The following HTR1E variants were observed in gnomAD, a reference collection of about 807,000 sequenced individuals.
The protein encoded by HTR1E is 5-HT-1E.
Under a neutral mutation model 3.4 loss-of-function variants are expected in HTR1E, and 3 were observed. That is an observed-to-expected ratio of 0.89 (90% CI 0.41 to 2.31). The LOEUF is 2.31. Ranked by LOEUF, HTR1E falls within the 30% of genes most tolerant of loss-of-function variation. HTR1E has a pLI of 0.05. For synonymous variants in HTR1E, 170 were observed against 182.8 expected (o/e 0.93, Z 0.56); for missense variants, 392 against 467.0 (o/e 0.84, Z 1.48).
At chr6:87,010,368 A>ACC (rs1236761353) in intron 1 of HTR1E, among the ~76,000 whole-genome samples, 11 of 92,168 alleles carry the variant, frequency 1.2e-4, no homozygotes, top group African/African-American at 3.8e-4. Context: ...CGGGGGGCTG[A>ACC]CCCCCCCATC....
chr6:87,007,105 A>G (rs999082517), intron 1 of HTR1E, among the ~76,000 whole-genome samples: 1 of 152,296 alleles, frequency 6.6e-6, no homozygotes, highest in East Asian at 1.9e-4. Context: ...TTAAAAGAAA[A>G]TGTAGTGCAT....
chr6:86,961,456 T>G (rs1285205460), intron 1 of HTR1E, among the ~76,000 whole-genome samples: 1 of 152,238 alleles, frequency 6.6e-6, no homozygotes, highest in Non-Finnish European at 1.5e-5. Flanking sequence ...AAATCAATTA[T>G]ATGAGTTTAA....
chr6:86,960,638 T>C (rs1767392476), intron 1 of HTR1E, among the ~76,000 whole-genome samples: 1 of 152,148 alleles, frequency 6.6e-6, no homozygotes. Flanking sequence ...TTCAGGAAAG[T>C]GAGGTTAAAT....
rs552948119 is a variant in HTR1E at position 87,012,789 on chromosome 6, GA to G, written c.-185-2358del. Reference sequence around the variant, plus strand: ...TGATCTTCACACTACTTACTTTAGAGAAAGATGTCATTATTCCTGATTTAAA... The same window carrying G: ...TGATCTTCACACTACTTACTTTAGAGAAGATGTCATTATTCCTGATTTAAA... On this transcript the variant is annotated intron_variant, in intron 1 of 1. Transcript: ENST00000305344. Among the ~76,000 whole-genome samples the G allele has an allele frequency of 1.1e-3, 164 of 152,292 alleles. 1 individual carries two copies. The highest frequency in any genetic ancestry group is 3.4e-3 in the Middle Eastern group (1 of 294).
rs1768305099 is a variant in HTR1E, at chr6:87,015,407, A to G, written c.73A>G (p.Ile25Val). ...RPKTITEKML[I>V]CMTLVVITTL... ...CAAGACCATCACTGAGAAGATGCTC[A>G]TTTGCATGACTCTGGTGGTCATCAC... Residue 25 changes from isoleucine (I) to valine (V), a missense_variant, in exon 2 of 2, where the codon ATT becomes GTT. Transcript: ENST00000305344. 2.5e-6 allele frequency: 4 copies of G among 1,612,510 alleles called. No individual in the cohort carries two copies. Among genetic ancestry groups the G allele is most frequent in the African/African-American group, 2.7e-5 (2 of 74,948 alleles).
At chr6:86,968,132 C>T (rs56374274) in intron 1 of HTR1E, among the ~76,000 whole-genome samples, 7,328 of 152,198 alleles carry the variant, frequency 0.048, 193 homozygotes, top group Middle Eastern at 0.071. Flanking sequence ...TTATTTCATG[C>T]TACATTATTA....
intron 1 of HTR1E, among the ~76,000 whole-genome samples, chr6:87,013,240 G>T (rs906848363): frequency 2.0e-5 from 3 of 152,192 alleles, no homozygotes; most frequent in Non-Finnish European, 4.4e-5. Context: ...TCTCCCTGGT[G>T]CTCTGACCTT....
intron 1 of HTR1E, among the ~76,000 whole-genome samples, chr6:87,008,857 C>G (rs1409093125): frequency 6.6e-6 from 1 of 152,128 alleles, no homozygotes; most frequent in Admixed American, 6.5e-5. Context: ...AGAAGTATAA[C>G]TTGACAAAAC....
chr6:87,003,903 A>G (rs2127831074), intron 1 of HTR1E, among the ~76,000 whole-genome samples: 1 of 152,352 alleles, frequency 6.6e-6, no homozygotes, highest in East Asian at 1.9e-4. Context: ...GATCCAAATA[A>G]CATCAGAGAT....
chr6:86,969,263 A>G (rs1767515896), intron 1 of HTR1E, among the ~76,000 whole-genome samples: 1 of 152,204 alleles, frequency 6.6e-6, no homozygotes, highest in Non-Finnish European at 1.5e-5. Context: ...AGTTGGAATT[A>G]AGAGAGCAAA....
chr6:86,961,414 C>G (rs1232748861), intron 1 of HTR1E, among the ~76,000 whole-genome samples: 1 of 152,198 alleles, frequency 6.6e-6, no homozygotes, highest in Non-Finnish European at 1.5e-5. Context: ...CCCATTCTTA[C>G]ACATCCCATT....
chr6:86,999,442 T>G (rs1395216488), intron 1 of HTR1E, among the ~76,000 whole-genome samples: 3 of 152,208 alleles, frequency 2.0e-5, no homozygotes, highest in East Asian at 3.9e-4. Context: ...CCTAAATAAC[T>G]AAAATGGGGA....
At chr6:86,955,473 C>T (rs1767307767) in intron 1 of HTR1E, among the ~76,000 whole-genome samples, 1 of 152,160 alleles carries the variant, frequency 6.6e-6, no homozygotes, top group South Asian at 2.1e-4. Context: ...TAAAATCCCA[C>T]CTTGGAAATG....
intron 1 of HTR1E, among the ~76,000 whole-genome samples, chr6:86,960,771 A>G (rs1036114332): frequency 6.6e-6 from 1 of 152,176 alleles, no homozygotes; most frequent in Non-Finnish European, 1.5e-5. Flanking sequence ...CTTTAGCCCT[A>G]TAGTTTCATG....
chr6:86,997,145 T>A (rs987900565), intron 1 of HTR1E, among the ~76,000 whole-genome samples: 1 of 151,958 alleles, frequency 6.6e-6, no homozygotes, highest in African/African-American at 2.4e-5. Flanking sequence ...TTAACATTCA[T>A]TCATTATAAA....
chr6:87,006,843 T>C (rs1028161230), intron 1 of HTR1E, among the ~76,000 whole-genome samples: 9 of 152,164 alleles, frequency 5.9e-5, no homozygotes, highest in African/African-American at 9.7e-5. Flanking sequence ...AAACACCACA[T>C]GCTCTCACTT....
chr6:86,959,415 C>CA (rs1179829124), intron 1 of HTR1E, among the ~76,000 whole-genome samples: 7 of 150,592 alleles, frequency 4.6e-5, no homozygotes, highest in South Asian at 2.1e-4. Context: ...CCTGTCTCTA[C>CA]AAAAAAAAAT....
Position 86,952,050 on chromosome 6 carries a change from T to C in HTR1E, c.-186+14227T>C, listed in dbSNP as rs548832698. Among the ~76,000 whole-genome samples the C allele has an allele frequency of 2.5e-4, 38 of 152,298 alleles. No homozygotes were observed. In the South Asian group the frequency reaches 7.9e-3, roughly 32 times the overall value. On this transcript the variant is annotated intron_variant, in intron 1 of 1. Coordinates refer to ENST00000305344, the MANE Select transcript of HTR1E (RefSeq NM_000865.3). ...GATGCCTACTTTAAATTATCCTTAA[T>C]CATGAAGGGAATTTGTTAGAAGATG... is the stretch of plus-strand genomic sequence containing the variant.
intron 1 of HTR1E, among the ~76,000 whole-genome samples, chr6:86,973,729 C>CT (rs1466477362): frequency 3.3e-5 from 5 of 152,304 alleles, no homozygotes; most frequent in Admixed American, 6.5e-5. Flanking sequence ...CAACAGACCA[C>CT]TGCAAACATG....
Sources: gnomAD v4.1 joint callset for allele counts (sites outside exome capture counted in the v4.1 genomes callset) on GRCh38, gnomAD v4.1.1 for gene constraint, MANE v1.5 for transcripts, NCBI Gene and HGNC (gene_info 2026-07-23, HGNC 2026-07-21) for gene names.